The following SDAD1 variants were observed in gnomAD, a reference collection of about 807,000 sequenced individuals.
SDAD1 encodes the protein protein SDA1 homolog.
In SDAD1, 79 loss-of-function variants were observed where a neutral mutation model predicts 100.3. The observed-to-expected ratio is 0.79, with a 90% CI of 0.66 to 0.95. The LOEUF is 0.95. Ranked by LOEUF, SDAD1 falls within the 40% of genes least tolerant of loss-of-function variation. SDAD1 has a pLI of 0.00. For missense variants in SDAD1, 790 were observed against 810.9 expected (o/e 0.97, Z 0.31); for synonymous variants, 267 against 271.4 (o/e 0.98, Z 0.16).
Position 75,990,877 on chromosome 4 carries a change from A to T in SDAD1, c.-36T>A, listed in dbSNP as rs769923618. On this transcript the variant is annotated 5_prime_UTR_variant, in exon 1 of 22. Coordinates refer to ENST00000356260, the MANE Select transcript of SDAD1 (RefSeq NM_018115.4). ...GACAGACTTCGCGGCGAGCAGTTTTAAAAAAACTCAGACGGCCGGCACCCC... is the reference window on the plus strand; with the variant it reads ...GACAGACTTCGCGGCGAGCAGTTTTTAAAAAACTCAGACGGCCGGCACCCC... The T allele has an allele frequency of 2.5e-6, 4 of 1,613,424 alleles. No homozygotes were observed. The highest frequency in any genetic ancestry group is 1.7e-5 in the Admixed American group (1 of 60,002).
At chr4:75,972,393 C>A (rs1420539310) in intron 8 of SDAD1, among the ~76,000 whole-genome samples, 2 of 150,342 alleles carry the variant, frequency 1.3e-5, no homozygotes. Flanking sequence ...CAGTGAAGGT[C>A]CGCGGCTCCA....
intron 16 of SDAD1, 62 bp downstream of exon 16, chr4:75,960,966 G>C: frequency 7.3e-7 from 1 of 1,366,422 alleles, no homozygotes; most frequent in Non-Finnish European, 1.0e-6. Context: ...CCTAATTGTA[G>C]GAAATTTCTC....
chr4:75,977,555 T>C (rs1372917793), intron 4 of SDAD1, 91 bp downstream of exon 4: 8 of 827,420 alleles, frequency 9.7e-6, no homozygotes, highest in Non-Finnish European at 1.7e-5. Flanking sequence ...AAAGTTATTA[T>C]TAACAATGTA....
intron 3 of SDAD1, among the ~76,000 whole-genome samples, chr4:75,979,480 T>C (rs1018415711): frequency 9.6e-5 from 14 of 145,818 alleles, no homozygotes; most frequent in Non-Finnish European, 1.5e-4. Flanking sequence ...ATTATTATTA[T>C]TTTTTTTTTT....
intron 7 of SDAD1, among the ~76,000 whole-genome samples, chr4:75,973,724 C>T (rs1032382500): frequency 8.6e-5 from 13 of 151,992 alleles, no homozygotes; most frequent in Admixed American, 7.2e-4. Flanking sequence ...TTAGCAGTGC[C>T]GAAGCCCAAC....
Position 75,965,558 on chromosome 4 carries a change from G to A in SDAD1, c.1104+206C>T, listed in dbSNP as rs868392193. On this transcript the variant is annotated intron_variant, in intron 13 of 21. Transcript: ENST00000356260. The stretch of plus-strand genomic sequence containing the variant: ...CTTGTGGGGCATCACAGAACCTGCC[G>A]ACATGTGATGTCTCCCCTGGACGCC... 4.1e-4 allele frequency among the ~76,000 whole-genome samples: 62 copies of A among 152,150 alleles called. 1 individual carries two copies. Among genetic ancestry groups the A allele is most frequent in the African/African-American group, 1.3e-3 (53 of 41,512 alleles).
chr4:75,956,121 G>C lies in SDAD1; in HGVS notation c.1870C>G (p.Arg624Gly). 3.1e-6 allele frequency: 5 copies of C among 1,605,818 alleles called. No individual in the cohort carries two copies. Among genetic ancestry groups the C allele is most frequent in the Non-Finnish European group, 4.2e-6 (5 of 1,177,712 alleles). Residue 624 changes from arginine (R) to glycine (G), a missense_variant, in exon 21 of 22, where the codon CGA (arginine) becomes GGA (glycine). Physicochemically the swap from Arg to Gly is moderately radical, Grantham distance 125. Coordinates refer to ENST00000356260, the MANE Select transcript of SDAD1 (RefSeq NM_018115.4). ...GTTTTCTTCCTCACAAATTCTTTTCGGTCTGTCTTTCCAGCCTACCAGAAC... is the reference window on the plus strand; with the variant it reads ...GTTTTCTTCCTCACAAATTCTTTTCCGTCTGTCTTTCCAGCCTACCAGAAC... ...LATAMAGKTDRKEFVRKKTKT... is the reference protein window; with the variant it reads ...LATAMAGKTDGKEFVRKKTKT...
intron 3 of SDAD1, among the ~76,000 whole-genome samples, chr4:75,979,301 A>G (rs181429133): frequency 6.6e-6 from 1 of 152,214 alleles, no homozygotes; most frequent in African/African-American, 2.4e-5. Flanking sequence ...TCTTGGAAAA[A>G]TAGCAAATAC....
At chr4:75,978,908 G>A (rs940850662) in intron 3 of SDAD1, among the ~76,000 whole-genome samples, 1 of 145,378 alleles carries the variant, frequency 6.9e-6, no homozygotes, top group Non-Finnish European at 1.5e-5. Flanking sequence ...GAGCCCAGAA[G>A]CTTGAGGCTG....
At chr4:75,980,420 T>C (rs1730430443) in intron 3 of SDAD1, among the ~76,000 whole-genome samples, 1 of 152,252 alleles carries the variant, frequency 6.6e-6, no homozygotes, top group African/African-American at 2.4e-5. Context: ...CAAGTTGTGC[T>C]ATAGGATATT....
intron 21 of SDAD1, among the ~76,000 whole-genome samples, chr4:75,951,945 A>G (rs1353982495): frequency 6.6e-6 from 1 of 152,224 alleles, no homozygotes; most frequent in African/African-American, 2.4e-5. Flanking sequence ...GATACACCTA[A>G]AACAGTTTCG....
At chr4:75,965,222 T>C (rs1729469652) in intron 13 of SDAD1, among the ~76,000 whole-genome samples, 1 of 152,114 alleles carries the variant, frequency 6.6e-6, no homozygotes, top group Admixed American at 6.5e-5. Context: ...AGATAAGGGA[T>C]GAAATAAGCC....
At chr4:75,953,344 A>T (rs1205844526) in intron 21 of SDAD1, among the ~76,000 whole-genome samples, 1 of 152,188 alleles carries the variant, frequency 6.6e-6, no homozygotes, top group African/African-American at 2.4e-5. Context: ...AAATATAACA[A>T]GCTCACAGAA....
intron 8 of SDAD1, 48 bp from the exon 9 acceptor site, chr4:75,971,506 T>C (rs370990312): frequency 2.9e-6 from 4 of 1,372,528 alleles, no homozygotes; most frequent in South Asian, 1.2e-5. Flanking sequence ...AAAATCTGCA[T>C]AGAATGAAAG....
chr4:75,965,678 C>T, intron 13 of SDAD1, 86 bp downstream of exon 13: 1 of 1,020,166 alleles, frequency 9.8e-7, no homozygotes, highest in Non-Finnish European at 1.5e-6. Context: ...TTATCGGGGG[C>T]AGGTTCCCCC....
At chr4:75,955,728 T>C (rs1312593649) in intron 21 of SDAD1, among the ~76,000 whole-genome samples, 1 of 152,216 alleles carries the variant, frequency 6.6e-6, no homozygotes, top group East Asian at 1.9e-4. Context: ...TGGATTCCCC[T>C]CTGGTCCCAC....
At chr4:75,960,687 C>G (rs1729180728) in intron 16 of SDAD1, among the ~76,000 whole-genome samples, 1 of 152,172 alleles carries the variant, frequency 6.6e-6, no homozygotes, top group Non-Finnish European at 1.5e-5. Flanking sequence ...TCCCTTCCAA[C>G]TTGAAAGAGG....
chr4:75,986,060 T>C (rs4859582), intron 1 of SDAD1, among the ~76,000 whole-genome samples: 101,886 of 152,112 alleles, frequency 0.67, 34,981 homozygotes, highest in East Asian at 0.93. Context: ...TCTACAGCTA[T>C]ACTCCCAGAG....
intron 19 of SDAD1, 30 bp downstream of exon 19, chr4:75,957,488 T>A: frequency 6.2e-7 from 1 of 1,612,088 alleles, no homozygotes; most frequent in African/African-American, 1.3e-5. Context: ...ATGAGCTGAC[T>A]GAAGTACTAA....
Sources: gnomAD v4.1 joint callset for allele counts (sites outside exome capture counted in the v4.1 genomes callset) on GRCh38, gnomAD v4.1.1 for gene constraint, MANE v1.5 for transcripts, NCBI Gene and HGNC (gene_info 2026-07-23, HGNC 2026-07-21) for gene names.